PDE10A: variants seen among roughly 807,000 people sequenced by gnomAD.
PDE10A encodes the protein phosphodiesterase 10A.
Under a neutral mutation model 97.7 loss-of-function variants are expected in PDE10A, and 39 were observed. That is an observed-to-expected ratio of 0.40 (90% confidence interval 0.31 to 0.52). The LOEUF is 0.52. Among genes scored for constraint, PDE10A ranks in the 20% least tolerant of loss-of-function variants. The pLI, the probability that PDE10A is intolerant of heterozygous loss-of-function variation, is 0.56. For missense variants in PDE10A, 731 were observed against 1,047.8 expected, an observed-to-expected ratio of 0.70 and a Z score of 4.17; for synonymous variants, 371 against 376.8, an observed-to-expected ratio of 0.98 and a Z score of 0.18.
At chr6:165,912,161 C>T (rs1055218683) in intron 1 of PDE10A, among the ~76,000 whole-genome samples, 2 of 151,914 alleles carry the variant, frequency 1.3e-5, no homozygotes, top group Non-Finnish European at 2.9e-5. Flanking sequence ...CTATCTAACT[C>T]TCTCTCTCTA....
At chr6:165,844,895 C>T (rs1399412982) in intron 1 of PDE10A, among the ~76,000 whole-genome samples, 1 of 152,116 alleles carries the variant, frequency 6.6e-6, no homozygotes, top group Non-Finnish European at 1.5e-5. Flanking sequence ...GACCAAGTAG[C>T]TCCTTTCAAA....
intron 3 of PDE10A, among the ~76,000 whole-genome samples, chr6:165,470,929 C>G (rs905900235): frequency 1.9e-4 from 29 of 152,162 alleles, no homozygotes; most frequent in Admixed American, 1.8e-3. Context: ...AAAACCGGAG[C>G]TTTTTGTTGC....
rs1417862428 is a variant in PDE10A at position 165,669,244 on chromosome 6, T to C, written c.-614-125676A>G. Among the ~76,000 whole-genome samples, 6 of 152,326 alleles carry C rather than the reference T, an allele frequency of 3.9e-5. No homozygotes were observed. In the South Asian group the frequency reaches 6.2e-4, roughly 16 times the overall value. The stretch of plus-strand genomic sequence containing the variant: ...CTGTGTTTGTTCTCTATAGGACTGA[T>C]TAGTGAGCCAGAGACACCCGGTGCT... On this transcript the variant is annotated intron_variant, in intron 1 of 19. Transcript: ENST00000366882.
chr6:165,640,808 C>T (rs77680011), intron 1 of PDE10A, among the ~76,000 whole-genome samples: 3,345 of 152,294 alleles, frequency 0.022, 125 homozygotes, highest in African/African-American at 0.076. Context: ...AAATGGTTTA[C>T]ATAATTGGCC....
chr6:165,579,293 T>C (rs147040328), intron 1 of PDE10A, among the ~76,000 whole-genome samples: 1 of 152,286 alleles, frequency 6.6e-6, no homozygotes, highest in East Asian at 1.9e-4. Flanking sequence ...ATAGAAAGAA[T>C]TGATTGAAGC....
At chr6:165,886,209 C>T (rs575878208) in intron 1 of PDE10A, among the ~76,000 whole-genome samples, 18 of 152,032 alleles carry the variant, frequency 1.2e-4, no homozygotes, top group South Asian at 4.2e-4. Flanking sequence ...GCCCTGGAGC[C>T]CTGCAGCCCT....
At chr6:165,701,643 A>ATG (rs1300854208) in intron 1 of PDE10A, among the ~76,000 whole-genome samples, 14 of 84,954 alleles carry the variant, frequency 1.6e-4, no homozygotes, top group Admixed American at 6.6e-4. Context: ...TCTACTCTTC[A>ATG]TGTATGTGTG....
intron 1 of PDE10A, among the ~76,000 whole-genome samples, chr6:165,919,124 G>T (rs557516406): frequency 6.6e-6 from 1 of 152,000 alleles, no homozygotes; most frequent in Non-Finnish European, 1.5e-5. Flanking sequence ...CTTCCTTTTG[G>T]CTTTGTCAAC....
intron 14 of PDE10A, 62 bp from the exon 15 acceptor site, chr6:165,395,326 A>G: frequency 8.7e-7 from 1 of 1,150,952 alleles, no homozygotes. Flanking sequence ...GTAAGTAAAG[A>G]AAAGCATTTA....
At position 165,356,556 on chromosome 6, in the gene PDE10A, T is replaced by C. The variant is rs375730555; in HGVS notation, c.2784-13054A>G. ...TGTTTTTTAGCATGATGAAGTCTCA[T>C]CTGTCATTTATTTGTTTAAAGGTTC... On this transcript the variant is annotated intron_variant, in intron 18 of 21. Transcript: ENST00000539869. Among the ~76,000 whole-genome samples the C allele has an allele frequency of 5.1e-4, 77 of 152,312 alleles. 1 individual carries two copies. The East Asian group carries it at 0.013, about 26-fold the overall frequency.
intron 1 of PDE10A, among the ~76,000 whole-genome samples, chr6:165,943,591 G>C (rs1386611744): frequency 1.3e-5 from 2 of 152,134 alleles, no homozygotes. Flanking sequence ...GGTGTTCCAG[G>C]GCCGGAGAAG....
At chr6:165,841,973 G>A (rs1050140638) in intron 1 of PDE10A, among the ~76,000 whole-genome samples, 4 of 152,032 alleles carry the variant, frequency 2.6e-5, no homozygotes, top group African/African-American at 9.7e-5. Context: ...AACACTCCCC[G>A]CTTCTGCAGA....
At chr6:165,894,664 A>G in intron 1 of PDE10A, 1 of 385,240 alleles carries the variant, frequency 2.6e-6, no homozygotes, top group Non-Finnish European at 5.2e-6. Context: ...GGCTGGCCAC[A>G]TAGCACCTTG....
At chr6:165,442,745 T>C (rs1221357558) in intron 5 of PDE10A, among the ~76,000 whole-genome samples, 1 of 152,120 alleles carries the variant, frequency 6.6e-6, no homozygotes, top group Non-Finnish European at 1.5e-5. Context: ...CCAAATATCA[T>C]GTCCTTCTCA....
chr6:165,464,651 C>T (rs981914535), intron 3 of PDE10A, among the ~76,000 whole-genome samples: 4 of 152,166 alleles, frequency 2.6e-5, no homozygotes, highest in Non-Finnish European at 5.9e-5. Context: ...CTCCCATAGT[C>T]CTTTCTAATC....
rs1259462896 is a variant in PDE10A at position 165,329,404 on chromosome 6, A to T, written c.*3621T>A. The stretch of plus-strand genomic sequence containing the variant: ...TTTTCAATTATACTTAAGCAAGAAA[A>T]GCAAAATAATAAATACATGAATGAA... On this transcript the variant is annotated 3_prime_UTR_variant, in exon 22 of 22. Transcript: ENST00000539869. The T allele has an allele frequency of 2.0e-5, 3 of 152,264 alleles. No homozygotes were observed. The East Asian group carries it at 5.8e-4, about 29-fold the overall frequency. 9.4% of individuals were successfully genotyped at this position (152,264 alleles called of 1,614,324 possible). A position where few individuals can be genotyped will look rare whatever the true frequency, so the allele number is the denominator to read the frequency against.
rs545149187 is a variant in PDE10A at position 165,542,612 on chromosome 6, C to CTTTTTTTTTTTTTTTTTTTTTTTTTT, written c.994+802_994+827dup. ...TTTAGGTCAAAAAGATGTCCTTGTT[C>CTTTTTTTTTTTTTTTTTTTTTTTTTT]TTTTTTTTTTTTTTTTTTTTTTTTT... On this transcript the variant is annotated intron_variant, in intron 2 of 21. Coordinates refer to ENST00000539869, the MANE Select transcript of PDE10A (RefSeq NM_001385079.1). Among the ~76,000 whole-genome samples, 30 of 76,456 alleles carry CTTTTTTTTTTTTTTTTTTTTTTTTTT rather than the reference C, an allele frequency of 3.9e-4. 3 individuals carry two copies. The East Asian group carries it at 4.5e-3, about 12-fold the overall frequency. The allele number at this position is 76,456 out of a possible 152,430, so 50.2% of individuals were successfully genotyped here.
chr6:165,677,364 G>A (rs574605126), intron 1 of PDE10A, among the ~76,000 whole-genome samples: 1 of 152,190 alleles, frequency 6.6e-6, no homozygotes, highest in Non-Finnish European at 1.5e-5. Flanking sequence ...GCACAGTTGT[G>A]TGAGCCGGTT....
At chr6:165,971,329 C>T (rs978510730) in intron 1 of PDE10A, among the ~76,000 whole-genome samples, 5 of 152,078 alleles carry the variant, frequency 3.3e-5, no homozygotes, top group Non-Finnish European at 7.4e-5. Flanking sequence ...ATCCATGATT[C>T]AATTCAGTCA....
Sources: gnomAD v4.1 joint callset for allele counts (sites outside exome capture counted in the v4.1 genomes callset) on GRCh38, gnomAD v4.1.1 for gene constraint, MANE v1.5 for transcripts, NCBI Gene and HGNC (gene_info 2026-07-23, HGNC 2026-07-21) for gene names.